Variants in MACROD1 observed in about 807,000 individuals in gnomAD.
The protein encoded by MACROD1 is ADP-ribose glycohydrolase MACROD1.
In MACROD1, 31 loss-of-function variants were observed where a neutral mutation model predicts 41.4. The ratio of observed to expected loss-of-function variants is 0.75; its 90% confidence interval spans 0.56 to 1.01. The LOEUF is 1.01. Ranked by LOEUF, MACROD1 falls within the 50% of genes least tolerant of loss-of-function variation. The pLI is 0.00. For synonymous variants in MACROD1, 252 were observed against 203.4 expected (o/e 1.24, Z -2.03); for missense variants, 473 against 460.0 (o/e 1.03, Z -0.26).
intron 3 of MACROD1, among the ~76,000 whole-genome samples, chr11:64,076,222 G>A (rs557680542): frequency 6.6e-6 from 1 of 152,138 alleles, no homozygotes; most frequent in Non-Finnish European, 1.5e-5. Context: ...ACCATGCAGG[G>A]TCCTGCTTCC....
At chr11:64,089,618 A>AG (rs1379295438) in intron 3 of MACROD1, among the ~76,000 whole-genome samples, 3 of 152,204 alleles carry the variant, frequency 2.0e-5, no homozygotes, top group Non-Finnish European at 4.4e-5. Flanking sequence ...TCTCAGAGCA[A>AG]GGAACTCCCC....
At chr11:64,123,759 G>A (rs1486051333) in intron 3 of MACROD1, among the ~76,000 whole-genome samples, 1 of 152,154 alleles carries the variant, frequency 6.6e-6, no homozygotes, top group Non-Finnish European at 1.5e-5. Flanking sequence ...TCTGTTCTGG[G>A]TGGGTCTGTC....
intron 3 of MACROD1, among the ~76,000 whole-genome samples, chr11:64,056,050 C>T (rs1344609968): frequency 6.6e-6 from 1 of 152,184 alleles, no homozygotes; most frequent in Non-Finnish European, 1.5e-5. Flanking sequence ...TCCCTGTGGG[C>T]CAGGGTTGGC....
chr11:64,127,467 C>T (rs911035663), intron 3 of MACROD1, among the ~76,000 whole-genome samples: 2 of 152,170 alleles, frequency 1.3e-5, no homozygotes, highest in East Asian at 3.9e-4. Flanking sequence ...CGGGCCTTGC[C>T]CCCGAGGGTC....
chr11:64,066,718 G>A (rs1225648395), intron 3 of MACROD1, among the ~76,000 whole-genome samples: 1 of 151,710 alleles, frequency 6.6e-6, no homozygotes, highest in Non-Finnish European at 1.5e-5. Context: ...AATACGATGA[G>A]AGCCCCCAGG....
chr11:64,158,272 G>C (rs561930295), intron 1 of MACROD1, among the ~76,000 whole-genome samples: 1 of 152,330 alleles, frequency 6.6e-6, no homozygotes, highest in African/African-American at 2.4e-5. Flanking sequence ...AAGCCTACAA[G>C]AGCCCAGTGT....
At chr11:64,068,006 C>A (rs72918414) in intron 3 of MACROD1, among the ~76,000 whole-genome samples, 1 of 152,120 alleles carries the variant, frequency 6.6e-6, no homozygotes, top group Non-Finnish European at 1.5e-5. Flanking sequence ...AAGCTCAGAA[C>A]GGAAAACCGC....
chr11:64,142,251 C>G (rs1302673446), intron 3 of MACROD1, among the ~76,000 whole-genome samples: 1 of 152,212 alleles, frequency 6.6e-6, no homozygotes, highest in African/African-American at 2.4e-5. Flanking sequence ...AACATCAGGT[C>G]AGACATGGTG....
intron 3 of MACROD1, among the ~76,000 whole-genome samples, chr11:64,043,579 C>T (rs1281130428): frequency 2.6e-5 from 4 of 152,108 alleles, no homozygotes; most frequent in South Asian, 2.1e-4. Flanking sequence ...GAGGTCAAAT[C>T]GTGGAAAGGG....
chr11:64,139,087 C>A (rs919944090), intron 3 of MACROD1, among the ~76,000 whole-genome samples: 8 of 152,092 alleles, frequency 5.3e-5, no homozygotes, highest in Non-Finnish European at 8.8e-5. Flanking sequence ...TTTTAATGAA[C>A]CGAAGGGAAT....
At chr11:64,068,845 G>A (rs1944053805) in intron 3 of MACROD1, among the ~76,000 whole-genome samples, 1 of 152,252 alleles carries the variant, frequency 6.6e-6, no homozygotes, top group Non-Finnish European at 1.5e-5. Context: ...CTCCCAGCCT[G>A]GTTGAGTGAG....
intron 4 of MACROD1, among the ~76,000 whole-genome samples, chr11:64,010,132 G>T (rs1243242506): frequency 1.3e-3 from 140 of 106,012 alleles, no homozygotes; most frequent in Middle Eastern, 0.014. Flanking sequence ...TTGGTTGGGG[G>T]GTTGGTTGGG....
intron 4 of MACROD1, among the ~76,000 whole-genome samples, chr11:64,010,894 G>A (rs1321531940): frequency 7.0e-6 from 1 of 143,520 alleles, no homozygotes; most frequent in Admixed American, 6.8e-5. Flanking sequence ...TGGGGTGTTG[G>A]CTGGCATGTT....
chr11:64,027,844 C>T (rs1434122967), intron 3 of MACROD1, among the ~76,000 whole-genome samples: 1 of 152,186 alleles, frequency 6.6e-6, no homozygotes, highest in Non-Finnish European at 1.5e-5. Context: ...GAAACCGAGG[C>T]CCTAGAAGGA....
intron 8 of MACROD1, 79 bp from the exon 9 acceptor site, chr11:63,999,115 G>T: frequency 7.1e-7 from 1 of 1,416,114 alleles, no homozygotes; most frequent in Non-Finnish European, 9.5e-7. Context: ...CCTGGTGCAG[G>T]CTTTCACCTG....
In MACROD1 at chr11:64,162,213, G is replaced by A. The variant is rs142882391; in HGVS notation, c.298+3484C>T. 8.7e-4 allele frequency among the ~76,000 whole-genome samples: 132 copies of A among 152,224 alleles called. 1 individual carries two copies. The highest frequency in any genetic ancestry group is 6.8e-3 in the Middle Eastern group (2 of 294). ...CAAAAAATTAGCTAGGCGTGGTGGC[G>A]TATGCCTGTAGTTCCAGCTACTTGG... On this transcript the variant is annotated intron_variant, in intron 1 of 10. Coordinates refer to ENST00000255681, the MANE Select transcript of MACROD1 (RefSeq NM_014067.4).
At chr11:64,127,435 C>T (rs59962426) in intron 3 of MACROD1, among the ~76,000 whole-genome samples, 2,123 of 151,306 alleles carry the variant, frequency 0.014, 39 homozygotes, top group African/African-American at 0.049. Context: ...ACCTTGCCCC[C>T]GAGGCTCAGC....
At chr11:64,044,410 C>G (rs150950566) in intron 3 of MACROD1, among the ~76,000 whole-genome samples, 1 of 152,076 alleles carries the variant, frequency 6.6e-6, no homozygotes. Context: ...CACCAACACA[C>G]TGGCTAATTT....
At chr11:64,062,676 G>A (rs1202295727) in intron 3 of MACROD1, among the ~76,000 whole-genome samples, 3 of 152,216 alleles carry the variant, frequency 2.0e-5, no homozygotes, top group Admixed American at 6.5e-5. Flanking sequence ...GGTTTCTCAG[G>A]GAAGCCAGAG....
Sources: gnomAD v4.1 joint callset for allele counts (sites outside exome capture counted in the v4.1 genomes callset) on GRCh38, gnomAD v4.1.1 for gene constraint, MANE v1.5 for transcripts, NCBI Gene and HGNC (gene_info 2026-07-23, HGNC 2026-07-21) for gene names.